Variants in SZT2 observed in about 807,000 individuals in gnomAD.
SZT2 encodes KICSTOR complex protein SZT2.
In SZT2, 216 loss-of-function variants were observed where a neutral mutation model predicts 404.2. That is an observed-to-expected ratio of 0.53 (90% confidence interval 0.48 to 0.60). The LOEUF is 0.60. SZT2 is among the 20% of genes least tolerant of loss of function. The pLI is 0.00. For missense variants in SZT2, 3,857 were observed against 4,459.2 expected (o/e 0.86, Z 3.85); for synonymous variants, 1,693 against 1,749.9 (o/e 0.97, Z 0.81).
In SZT2 at chr1:43,448,076, C is replaced by T. The variant is rs370717719; in HGVS notation, c.9564-3C>T. The T allele has an allele frequency of 1.9e-5, 31 of 1,598,592 alleles. No individual in the cohort carries two copies. Among genetic ancestry groups the T allele is most frequent in the Non-Finnish European group, 2.6e-5 (30 of 1,169,582 alleles). On this transcript the variant is annotated splice_region_variant and splice_polypyrimidine_tract_variant and intron_variant, in intron 68 of 71. Coordinates refer to ENST00000634258, the MANE Select transcript of SZT2 (RefSeq NM_001365999.1). The surrounding 1 kb of genome is among the most constrained non-coding windows in gnomAD (Gnocchi z 4.2). The stretch of plus-strand genomic sequence containing the variant: ...CACTCTCCTGCCCTGCTCCCCACCC[C>T]AGGCTACAGTTCTTCGTGGTGCTCA...
chr1:43,441,860 C>T lies in SZT2; in HGVS notation c.7742+42C>T. On this transcript the variant is annotated intron_variant, in intron 55 of 71. Coordinates refer to ENST00000634258, the MANE Select transcript of SZT2 (RefSeq NM_001365999.1). The surrounding 1 kb of genome is among the most constrained non-coding windows in gnomAD (Gnocchi z 4.8). The stretch of plus-strand genomic sequence containing the variant: ...TAGAATTGAAGGGAACTCCCCTAGA[C>T]TTCCTAAAAGCTGGGCCTACAGGAA... 6.2e-7 allele frequency: 1 copy of T among 1,607,092 alleles called. No individual in the cohort carries two copies. The highest frequency in any genetic ancestry group is 8.5e-7 in the Non-Finnish European group (1 of 1,174,422).
At chr1:43,397,377 G>T (rs1265783188) in intron 1 of SZT2, among the ~76,000 whole-genome samples, 1 of 150,438 alleles carries the variant, frequency 6.6e-6, no homozygotes, top group Non-Finnish European at 1.5e-5. Context: ...AGTGAGCCAA[G>T]ATGGCACTGC....
chr1:43,402,771 T>G (rs533273095), intron 1 of SZT2, among the ~76,000 whole-genome samples: 1 of 152,312 alleles, frequency 6.6e-6, no homozygotes, highest in East Asian at 1.9e-4. Context: ...TCAAGACTTG[T>G]TAGGAGTAAC....
rs372293082 is a variant in SZT2, at chr1:43,440,559, G to A, written c.7317G>A (p.Ala2439=). 3.6e-5 allele frequency: 57 copies of A among 1,604,834 alleles called. No homozygotes were observed. The highest frequency in any genetic ancestry group is 2.6e-4 in the African/African-American group (19 of 74,314). Residue 2439 remains alanine, a synonymous_variant, in exon 52 of 72, where the codon GCG becomes GCA. Transcript: ENST00000634258. ...AGCCTGTGACTCCACCCAGCAAAGC[G>A]GGCCGGCGTAGCTTCTGGGATATGC... The part of the protein sequence containing the change: ...PGEPVTPPSK[A]GRRSFWDMLS...
Position 43,431,962 on chromosome 1 carries a change from G to A in SZT2, c.5274+61G>A, listed in dbSNP as rs570563313. 1.5e-4 allele frequency: 239 copies of A among 1,588,612 alleles called. 1 individual carries two copies. The highest frequency in any genetic ancestry group is 4.6e-4 in the Admixed American group (27 of 59,220). ...GGGCCCGTCCTTCCCTGGGCCCCAG[G>A]CACAGGACTGGAAGGCCCTCTGTTA... On this transcript the variant is annotated intron_variant, in intron 36 of 71. Transcript: ENST00000634258.
In SZT2 at chr1:43,426,709, T is replaced by C. The variant is rs1422215936; in HGVS notation, c.3215-6T>C. The C allele has an allele frequency of 1.2e-6, 2 of 1,603,946 alleles. No homozygotes were observed. The highest frequency in any genetic ancestry group is 2.2e-5 in the East Asian group (1 of 44,648). ...CCTCTTTCACCCATCTCTACCCCCA[T>C]TGTAGGTGCCGAGGGGCCACTGCTG... On this transcript the variant is annotated splice_region_variant and splice_polypyrimidine_tract_variant and intron_variant, in intron 22 of 71. Coordinates refer to ENST00000634258, the MANE Select transcript of SZT2 (RefSeq NM_001365999.1). The surrounding 1 kb of genome is among the most constrained non-coding windows in gnomAD (Gnocchi z 4.9).
Position 43,420,388 on chromosome 1 carries a change from C to T in SZT2, c.1261+65C>T, listed in dbSNP as rs2153932190. The T allele has an allele frequency of 1.4e-6, 2 of 1,465,264 alleles. No individual in the cohort carries two copies. Among genetic ancestry groups the T allele is most frequent in the South Asian group, 2.7e-5 (2 of 73,580 alleles). The allele number at this position is 1,465,264 out of a possible 1,614,324, so 90.8% of individuals were successfully genotyped here. A position where few individuals can be genotyped will look rare whatever the true frequency, so the allele number is the denominator to read the frequency against. ...TCAAGAATTTGTGTGTGGGAAGACC[C>T]ACATGTATCACACATGAAAGAGTGT... On this transcript the variant is annotated intron_variant, in intron 9 of 71. Transcript: ENST00000634258. The surrounding 1 kb of genome is among the most constrained non-coding windows in gnomAD (Gnocchi z 5.1).
In SZT2 at chr1:43,441,565, G is replaced by A. The variant is rs139486476; in HGVS notation, c.7573G>A (p.Val2525Ile). ...VGTLHPVFAR[V>I]AQRWMEFMVQ... ...GACCCTTCATCCTGTGTTTGCCCGT[G>A]TTGCTCAGCGCTGGATGGAGTTTAT... is the stretch of plus-strand genomic sequence containing the variant. Residue 2525 changes from valine to isoleucine, a missense_variant, in exon 54 of 72, where the codon GTT becomes ATT. By Grantham distance (29) the Val-to-Ile change is conservative (BLOSUM62 3). This residue lies in a region of SZT2 where 573 missense variants were observed against 592.4 expected (regional missense o/e 0.97). Coordinates refer to ENST00000634258, the MANE Select transcript of SZT2 (RefSeq NM_001365999.1). The surrounding 1 kb of genome is among the most constrained non-coding windows in gnomAD (Gnocchi z 4.8). 1.2e-3 allele frequency: 1,920 copies of A among 1,614,176 alleles called. 24 individuals carry two copies. The African/African-American group carries it at 0.023, about 19-fold the overall frequency.
chr1:43,446,474 G>C, intron 65 of SZT2, 58 bp downstream of exon 65: 2 of 1,601,430 alleles, frequency 1.2e-6, no homozygotes. Flanking sequence ...GGGCAGCATG[G>C]CTCCATGTCC....
At position 43,448,197 on chromosome 1, in the gene SZT2, T is replaced by C. The variant is rs1300666260; in HGVS notation, c.9682T>C (p.Ser3228Pro). Residue 3228 changes from serine to proline, a missense_variant, in exon 69 of 72, where the codon TCA becomes CCA. Physicochemically the swap from Ser to Pro is moderately conservative, Grantham distance 74 (BLOSUM62 -1). Coordinates refer to ENST00000634258, the MANE Select transcript of SZT2 (RefSeq NM_001365999.1). This position sits in a 1 kb window ranked among gnomAD's most constrained non-coding sequence, Gnocchi z 4.2. ...CCCTGAGCCAGAGGCTCCTGGGAGTTCAGCTGGCAGCCCTGGGGAGGCCTC... is the reference window on the plus strand; with the variant it reads ...CCCTGAGCCAGAGGCTCCTGGGAGTCCAGCTGGCAGCCCTGGGGAGGCCTC... ...LPPEPEAPGS[S>P]AGSPGEASGL... 18 of 1,611,244 alleles carry C rather than the reference T, an allele frequency of 1.1e-5. No homozygotes were observed. The highest frequency in any genetic ancestry group is 1.4e-5 in the Non-Finnish European group (17 of 1,178,534).
At chr1:43,394,118 T>A in intron 1 of SZT2, 1 of 981,598 alleles carries the variant, frequency 1.0e-6, no homozygotes. Context: ...GTGGATGCTC[T>A]GAGAACTAAT....
rs753359197 is a variant in SZT2, at chr1:43,424,812, G to T, written c.2500G>T (p.Ala834Ser). The T allele has an allele frequency of 6.2e-7, 1 of 1,613,992 alleles. No homozygotes were observed. Among genetic ancestry groups the T allele is most frequent in the East Asian group, 2.2e-5 (1 of 44,876 alleles). Residue 834 changes from alanine to serine, a missense_variant, in exon 17 of 72, where the codon GCC becomes TCC. Ala to Ser is a moderately conservative substitution (Grantham distance 99). This residue lies in a region of SZT2 where 1,725 missense variants were observed against 1,881.0 expected (regional missense o/e 0.92). Coordinates refer to ENST00000634258, the MANE Select transcript of SZT2 (RefSeq NM_001365999.1). The surrounding 1 kb of genome is among the most constrained non-coding windows in gnomAD (Gnocchi z 4.1). Reference sequence around the variant, plus strand: ...CCGACTTTCTGAAGGATTCCACTTCGCCTGCAGTGGGGAAGGAATCATCAA... The same window carrying T: ...CCGACTTTCTGAAGGATTCCACTTCTCCTGCAGTGGGGAAGGAATCATCAA... ...EVRLSEGFHFACSGEGIINMV... is the reference protein window; with the variant it reads ...EVRLSEGFHFSCSGEGIINMV...
Position 43,437,204 on chromosome 1 carries a change from G to T in SZT2, c.6068G>T (p.Gly2023Val), listed in dbSNP as rs755089209. Reference protein sequence around the residue: ...YAADESCAPRGYLAATMQFVP... With the variant: ...YAADESCAPRVYLAATMQFVP... ...GCTGATGAGAGCTGTGCGCCCCGTG[G>T]GTACCTGGCAGCCACAATGCAGTTT... Residue 2023 changes from glycine to valine, a missense_variant, in exon 43 of 72, where the codon GGG (glycine) becomes GTG (valine). Coordinates refer to ENST00000634258, the MANE Select transcript of SZT2 (RefSeq NM_001365999.1). This position sits in a 1 kb window ranked among gnomAD's most constrained non-coding sequence, Gnocchi z 5.3. 6.2e-7 allele frequency: 1 copy of T among 1,614,154 alleles called. No individual in the cohort carries two copies. Among genetic ancestry groups the T allele is most frequent in the Non-Finnish European group, 8.5e-7 (1 of 1,180,034 alleles).
In SZT2 at chr1:43,441,155, C is replaced by G; in HGVS notation, c.7345-59C>G. 3 of 1,577,866 alleles carry G rather than the reference C, an allele frequency of 1.9e-6. No homozygotes were observed. Among genetic ancestry groups the G allele is most frequent in the Non-Finnish European group, 2.6e-6 (3 of 1,158,034 alleles). On this transcript the variant is annotated intron_variant, in intron 52 of 71. Coordinates refer to ENST00000634258, the MANE Select transcript of SZT2 (RefSeq NM_001365999.1). This position sits in a 1 kb window ranked among gnomAD's most constrained non-coding sequence, Gnocchi z 4.8. ...TAGCTCACTGCTGTTCCATAGTGCC[C>G]CCATCCCACACCTTTCCTCTTCCCA...
intron 1 of SZT2, among the ~76,000 whole-genome samples, chr1:43,393,136 A>G (rs1648606930): frequency 6.6e-6 from 1 of 152,216 alleles, no homozygotes; most frequent in African/African-American, 2.4e-5. Flanking sequence ...TTTAAGCTGA[A>G]GCCTGAAGAA....
At position 43,422,663 on chromosome 1, in the gene SZT2, C is replaced by T. The variant is rs753645339; in HGVS notation, c.1922+31C>T. 11 of 764,636 alleles carry T rather than the reference C, an allele frequency of 1.4e-5. No homozygotes were observed. The East Asian group carries it at 4.2e-4, about 29-fold the overall frequency. 47.4% of individuals were successfully genotyped at this position (764,636 alleles called of 1,614,324 possible). On this transcript the variant is annotated intron_variant, in intron 13 of 71. Transcript: ENST00000634258. ...CAAAGTGATGTCCCTTCACCCCCCG[C>T]CCCCCCACCCCCCCGCCACCTCATC...
chr1:43,424,369 C>G lies in SZT2; in HGVS notation c.2408C>G (p.Pro803Arg), dbSNP rs1036653663. Reference protein sequence around the residue: ...LYHQRWLWSVPSGLAPALPLS... With the variant: ...LYHQRWLWSVRSGLAPALPLS... ...CATCAGCGCTGGCTTTGGAGTGTCC[C>G]GTCAGGACTGGCCCCTGCGCTGCCT... Residue 803 changes from proline to arginine, a missense_variant, in exon 16 of 72, where the codon CCG (proline) becomes CGG (arginine). By Grantham distance (103) the Pro-to-Arg change is moderately radical. Coordinates refer to ENST00000634258, the MANE Select transcript of SZT2 (RefSeq NM_001365999.1). The surrounding 1 kb of genome is among the most constrained non-coding windows in gnomAD (Gnocchi z 4.1). The G allele has an allele frequency of 8.8e-6, 14 of 1,597,988 alleles. No homozygotes were observed. The Middle Eastern group carries it at 4.9e-4, about 56-fold the overall frequency.
At chr1:43,415,039 C>A (rs770031394) in intron 4 of SZT2, 43 bp from the exon 5 acceptor site, 1 of 1,587,770 alleles carries the variant, frequency 6.3e-7, no homozygotes, top group South Asian at 1.1e-5. Context: ...TGGTCTGTGC[C>A]ACCCTGACCG....
chr1:43,427,252 A>G (rs754930735), intron 24 of SZT2, 29 bp from the exon 25 acceptor site: 1 of 1,604,340 alleles, frequency 6.2e-7, no homozygotes, highest in African/African-American at 1.3e-5. Flanking sequence ...CCCACCAGGC[A>G]GCTCTGATTT....
Sources: gnomAD v4.1 joint callset for allele counts (sites outside exome capture counted in the v4.1 genomes callset) on GRCh38, gnomAD v4.1.1 for gene constraint, gnomAD v4.1.1 regional missense constraint, Gnocchi (gnomAD v3.1) non-coding constraint, MANE v1.5 for transcripts, NCBI Gene and HGNC (gene_info 2026-07-23, HGNC 2026-07-21) for gene names.